TAF3: variants seen among roughly 807,000 people sequenced by gnomAD.
TAF3 encodes the protein transcription initiation factor TFIID subunit 3.
Under a neutral mutation model 80.6 loss-of-function variants are expected in TAF3, and 7 were observed. That is an observed-to-expected ratio of 0.09 (90% confidence interval 0.05 to 0.16). TAF3 has a LOEUF of 0.16. Among genes scored for constraint, TAF3 ranks in the 10% least tolerant of loss-of-function variants. The pLI is 1.00. For missense variants in TAF3, 921 were observed against 1,140.2 expected (o/e 0.81, Z 2.77); for synonymous variants, 444 against 446.1 (o/e 1.00, Z 0.06).
chr10:7,926,700 G>A (rs1323895005), intron 2 of TAF3, among the ~76,000 whole-genome samples: 1 of 152,018 alleles, frequency 6.6e-6, no homozygotes, highest in Admixed American at 6.6e-5. Flanking sequence ...CACTAATATG[G>A]TTACTTCAGT....
chr10:7,930,859 A>C (rs1267671573), intron 2 of TAF3, among the ~76,000 whole-genome samples: 1 of 152,068 alleles, frequency 6.6e-6, no homozygotes, highest in Non-Finnish European at 1.5e-5. Flanking sequence ...GTATATAAAA[A>C]TATAAGGGCT....
intron 4 of TAF3, among the ~76,000 whole-genome samples, chr10:7,992,348 T>C (rs1211469086): frequency 6.6e-6 from 1 of 152,230 alleles, no homozygotes; most frequent in Non-Finnish European, 1.5e-5. Context: ...ATTACATACA[T>C]AATGTAACCA....
chr10:7,832,994 G>A (rs1836817445), intron 2 of TAF3, among the ~76,000 whole-genome samples: 2 of 152,160 alleles, frequency 1.3e-5, no homozygotes, highest in Admixed American at 1.3e-4. Flanking sequence ...CCAGGAGTTC[G>A]AGATAAAATG....
At chr10:7,848,309 G>T (rs1263522387) in intron 2 of TAF3, among the ~76,000 whole-genome samples, 3 of 152,194 alleles carry the variant, frequency 2.0e-5, no homozygotes, top group East Asian at 3.8e-4. Flanking sequence ...ATTGGGAATA[G>T]TTAGAAGGAA....
intron 2 of TAF3, among the ~76,000 whole-genome samples, chr10:7,912,210 A>T (rs999388511): frequency 6.6e-6 from 1 of 152,216 alleles, no homozygotes; most frequent in African/African-American, 2.4e-5. Flanking sequence ...CGTCTGTGTT[A>T]ACTAAACCAA....
At chr10:7,828,647 G>C (rs1369164857) in intron 2 of TAF3, among the ~76,000 whole-genome samples, 1 of 150,896 alleles carries the variant, frequency 6.6e-6, no homozygotes, top group Non-Finnish European at 1.5e-5. Flanking sequence ...CTATGCCAAA[G>C]TCATTGTTGG....
chr10:7,924,094 C>T (rs1837792597), intron 2 of TAF3, among the ~76,000 whole-genome samples: 1 of 152,190 alleles, frequency 6.6e-6, no homozygotes, highest in South Asian at 2.1e-4. Flanking sequence ...CAAAAGAATG[C>T]TTCCGAGGTC....
intron 2 of TAF3, among the ~76,000 whole-genome samples, chr10:7,884,597 G>T (rs182015947): frequency 6.6e-6 from 1 of 151,844 alleles, no homozygotes; most frequent in African/African-American, 2.4e-5. Flanking sequence ...CGTGTTGGCC[G>T]GGCTGGTCTC....
chr10:8,010,339 C>G (rs1564383385), intron 5 of TAF3, among the ~76,000 whole-genome samples: 2 of 152,180 alleles, frequency 1.3e-5, no homozygotes, highest in South Asian at 2.1e-4. Context: ...TGGGATATGA[C>G]TATATGCATA....
At chr10:7,885,078 A>G (rs1317987475) in intron 2 of TAF3, among the ~76,000 whole-genome samples, 1 of 152,014 alleles carries the variant, frequency 6.6e-6, no homozygotes, top group Non-Finnish European at 1.5e-5. Context: ...AGGGTGGGGA[A>G]TGGAGTATGG....
At chr10:7,864,158 G>T (rs1408816601) in intron 2 of TAF3, among the ~76,000 whole-genome samples, 1 of 152,064 alleles carries the variant, frequency 6.6e-6, no homozygotes, top group Non-Finnish European at 1.5e-5. Context: ...TGACAAATGT[G>T]TAATGACAAA....
chr10:7,893,426 C>T (rs1017153652), intron 2 of TAF3, among the ~76,000 whole-genome samples: 5 of 152,144 alleles, frequency 3.3e-5, no homozygotes. Flanking sequence ...AGGGAGGAGC[C>T]ATGCAATTTG....
chr10:7,997,288 G>A (rs1831899025), intron 4 of TAF3, among the ~76,000 whole-genome samples: 1 of 152,192 alleles, frequency 6.6e-6, no homozygotes, highest in South Asian at 2.1e-4. Context: ...GGGAACTTAG[G>A]AACTTTGTGT....
intron 2 of TAF3, among the ~76,000 whole-genome samples, chr10:7,873,979 G>A (rs1837292319): frequency 1.3e-5 from 2 of 152,242 alleles, no homozygotes; most frequent in South Asian, 4.1e-4. Context: ...GTTTTAGTCT[G>A]GGCTATTTGT....
chr10:7,957,789 A>AGC (rs1389134108), intron 2 of TAF3, among the ~76,000 whole-genome samples: 6 of 111,904 alleles, frequency 5.4e-5, no homozygotes, highest in African/African-American at 1.8e-4. Flanking sequence ...CGCTCTCTCT[A>AGC]GCGCGCTCTC....
chr10:7,857,829 A>T (rs961796076), intron 2 of TAF3, among the ~76,000 whole-genome samples: 3 of 152,018 alleles, frequency 2.0e-5, no homozygotes, highest in Non-Finnish European at 4.4e-5. Context: ...TGAAAGTACT[A>T]TTAGCTTTCT....
At chr10:7,880,237 C>T (rs921573055) in intron 2 of TAF3, among the ~76,000 whole-genome samples, 6 of 151,752 alleles carry the variant, frequency 4.0e-5, no homozygotes, top group African/African-American at 9.7e-5. Flanking sequence ...AACCTTGTCT[C>T]GGAAAAAATA....
At chr10:7,997,342 C>CTTTGATAAAT (rs745524256) in intron 4 of TAF3, among the ~76,000 whole-genome samples, 8 of 152,226 alleles carry the variant, frequency 5.3e-5, no homozygotes, top group Non-Finnish European at 1.2e-4. Flanking sequence ...ATTTGGATTA[C>CTTTGATAAAT]TGGTTTCATC....
At chr10:7,923,983 T>C (rs1837791485) in intron 2 of TAF3, among the ~76,000 whole-genome samples, 1 of 152,180 alleles carries the variant, frequency 6.6e-6, no homozygotes, top group Non-Finnish European at 1.5e-5. Flanking sequence ...TTTTAAAAAT[T>C]TGATAGAAAC....
Sources: gnomAD v4.1 joint callset for allele counts (sites outside exome capture counted in the v4.1 genomes callset) on GRCh38, gnomAD v4.1.1 for gene constraint, MANE v1.5 for transcripts, NCBI Gene and HGNC (gene_info 2026-07-23, HGNC 2026-07-21) for gene names.